SV2C: variants seen among roughly 807,000 people sequenced by gnomAD.
SV2C encodes synaptic vesicle glycoprotein 2C.
In SV2C, 49 loss-of-function variants were observed where a neutral mutation model predicts 79.7. The ratio of observed to expected loss-of-function variants is 0.61; its 90% CI spans 0.49 to 0.78. The LOEUF is 0.78. Among genes scored for constraint, SV2C ranks in the 30% least tolerant of loss-of-function variants. SV2C has a pLI of 0.00. For synonymous variants in SV2C, 334 were observed against 333.2 expected (o/e 1.00, Z -0.03); for missense variants, 833 against 912.9 (o/e 0.91, Z 1.13).
rs1172852045 is a variant in SV2C at position 76,327,461 on chromosome 5, T to C, written c.*1914T>C. ...TCTCTCACTTCTGCCTCCTATCATT[T>C]TATTGGAGAACAAAGACAGCAGTCA... On this transcript the variant is annotated 3_prime_UTR_variant, in exon 13 of 13. Transcript: ENST00000502798. The C allele has an allele frequency of 2.6e-5, 4 of 152,322 alleles. No individual in the cohort carries two copies. Among genetic ancestry groups the C allele is most frequent in the African/African-American group, 9.6e-5 (4 of 41,570 alleles). The allele number at this position is 152,322 out of a possible 1,614,324, so 9.4% of individuals were successfully genotyped here. A position where few individuals can be genotyped will look rare whatever the true frequency, so the allele number is the denominator to read the frequency against.
intron 2 of SV2C, among the ~76,000 whole-genome samples, chr5:76,183,303 G>T (rs7448148): frequency 0.79 from 120,415 of 151,664 alleles, 48,378 homozygotes; most frequent in East Asian, 0.91. Context: ...GAGATTACAG[G>T]TGTAAGCCAC....
chr5:76,046,230 A>G, the SV2C span, among the ~76,000 whole-genome samples: 1 of 152,186 alleles, frequency 6.6e-6, no homozygotes. Flanking sequence ...TCAGGTTTAG[A>G]GAAACTAAGA....
Position 76,330,466 on chromosome 5 carries a change from A to G in SV2C, c.*4919A>G, listed in dbSNP as rs1749144371. 2 of 152,200 alleles carry G rather than the reference A, an allele frequency of 1.3e-5. No homozygotes were observed. The highest frequency in any genetic ancestry group is 4.2e-4 in the South Asian group (2 of 4,806). 9.4% of individuals were successfully genotyped at this position (152,200 alleles called of 1,614,324 possible). The stretch of plus-strand genomic sequence containing the variant: ...TATTGAGACACTGCTGTGTGCAATA[A>G]TTAAGCCTATGGAGGACTTAAATGA... On this transcript the variant is annotated 3_prime_UTR_variant, in exon 13 of 13. Transcript: ENST00000502798.
chr5:75,935,064 T>C, the SV2C span, among the ~76,000 whole-genome samples: 1 of 152,166 alleles, frequency 6.6e-6, no homozygotes, highest in African/African-American at 2.4e-5. Context: ...ATATTTCCTA[T>C]ATGGTTACAG....
intron 2 of SV2C, among the ~76,000 whole-genome samples, chr5:76,191,888 G>C (rs1048806697): frequency 6.6e-6 from 1 of 152,178 alleles, no homozygotes; most frequent in Non-Finnish European, 1.5e-5. Flanking sequence ...AAGGACACAA[G>C]AGTCACAGCC....
chr5:76,158,388 C>G (rs754846620), intron 2 of SV2C, among the ~76,000 whole-genome samples: 6 of 150,366 alleles, frequency 4.0e-5, no homozygotes, highest in Non-Finnish European at 8.9e-5. Context: ...CACAAGAAAG[C>G]TGGAGAGGCT....
intron 3 of SV2C, among the ~76,000 whole-genome samples, chr5:76,195,536 G>A (rs185877960): frequency 6.6e-6 from 1 of 152,094 alleles, no homozygotes; most frequent in East Asian, 1.9e-4. Context: ...ATGTTAACTT[G>A]GCATATTTAA....
the SV2C span, among the ~76,000 whole-genome samples, chr5:75,923,583 C>T: frequency 2.6e-5 from 4 of 151,996 alleles, no homozygotes; most frequent in South Asian, 2.1e-4. Context: ...AAAAAAAATC[C>T]CATCTAAAAG....
chr5:75,968,930 G>T, the SV2C span, among the ~76,000 whole-genome samples: 1 of 152,156 alleles, frequency 6.6e-6, no homozygotes, highest in Non-Finnish European at 1.5e-5. Flanking sequence ...AGAGAGAAAG[G>T]TCGGGTTACC....
chr5:75,997,498 AAAAC>A, the SV2C span, among the ~76,000 whole-genome samples: 3 of 152,180 alleles, frequency 2.0e-5, no homozygotes, highest in Admixed American at 6.5e-5. Flanking sequence ...TTACAAGAAA[AAAAC>A]AAACAACCCC....
At chr5:76,231,687 G>A (rs948512049) in intron 4 of SV2C, among the ~76,000 whole-genome samples, 4 of 142,368 alleles carry the variant, frequency 2.8e-5, no homozygotes, top group Non-Finnish European at 4.4e-5. Context: ...AATATGCGGT[G>A]TTTGGTGTTT....
intron 2 of SV2C, among the ~76,000 whole-genome samples, chr5:76,179,144 T>C (rs1478195356): frequency 2.0e-5 from 3 of 152,214 alleles, no homozygotes; most frequent in African/African-American, 7.2e-5. Context: ...CCACGCAAAC[T>C]ATAGTAGTCT....
the SV2C span, among the ~76,000 whole-genome samples, chr5:76,030,289 T>TTTTTTTTTTTTTTTA: frequency 2.9e-4 from 34 of 117,906 alleles, no homozygotes; most frequent in South Asian, 7.7e-4. Context: ...TTTTTTTTTT[T>TTTTTTTTTTTTTTTA]TTTATTTATT....
chr5:75,896,014 A>G, the SV2C span, among the ~76,000 whole-genome samples: 2 of 152,076 alleles, frequency 1.3e-5, no homozygotes, highest in African/African-American at 4.8e-5. Flanking sequence ...TAATTTATGT[A>G]TGCATATATT....
At chr5:76,216,893 G>A (rs1744919831) in intron 4 of SV2C, among the ~76,000 whole-genome samples, 1 of 152,192 alleles carries the variant, frequency 6.6e-6, no homozygotes, top group Non-Finnish European at 1.5e-5. Context: ...CCAGGCTTTG[G>A]AATTGCTGCT....
chr5:76,037,295 C>T, the SV2C span, among the ~76,000 whole-genome samples: 24 of 152,228 alleles, frequency 1.6e-4, no homozygotes, highest in Non-Finnish European at 2.9e-4. Flanking sequence ...TGAGGAACTT[C>T]GTTCCTTTGG....
intron 2 of SV2C, among the ~76,000 whole-genome samples, chr5:76,155,843 G>A (rs1263359186): frequency 1.3e-5 from 2 of 151,400 alleles, no homozygotes; most frequent in African/African-American, 2.4e-5. Context: ...TTGCCTGGGG[G>A]AGAAGTAGGT....
At chr5:75,943,847 T>C in the SV2C span, among the ~76,000 whole-genome samples, 2 of 152,152 alleles carry the variant, frequency 1.3e-5, no homozygotes, top group Non-Finnish European at 2.9e-5. Context: ...TCCTGATGTG[T>C]ATCCTCACCC....
chr5:76,182,756 C>A (rs1743776434), intron 2 of SV2C, among the ~76,000 whole-genome samples: 1 of 152,070 alleles, frequency 6.6e-6, no homozygotes, highest in Non-Finnish European at 1.5e-5. Context: ...TAAAGAAATA[C>A]CTGAGACTGG....
Sources: gnomAD v4.1 joint callset for allele counts (sites outside exome capture counted in the v4.1 genomes callset) on GRCh38, gnomAD v4.1.1 for gene constraint, MANE v1.5 for transcripts, NCBI Gene and HGNC (gene_info 2026-07-23, HGNC 2026-07-21) for gene names.